The following WASF3 variants were observed in gnomAD, a reference collection of about 807,000 sequenced individuals.
WASF3 encodes the protein actin-binding protein WASF3.
Under a neutral mutation model 46.6 loss-of-function variants are expected in WASF3, and 11 were observed. The observed-to-expected ratio is 0.24, with a 90% CI of 0.15 to 0.39. The LOEUF is 0.39. Among genes scored for constraint, WASF3 ranks in the 10% least tolerant of loss-of-function variants. The probability of loss-of-function intolerance (pLI) is 1.00; values close to 1 mark genes in which losing one functional copy is unlikely to be tolerated. For synonymous variants in WASF3, 242 were observed against 259.7 expected (o/e 0.93, Z 0.65); for missense variants, 576 against 669.8 (o/e 0.86, Z 1.55).
intron 1 of WASF3, among the ~76,000 whole-genome samples, chr13:26,588,262 G>C (rs1880187953): frequency 6.6e-6 from 1 of 152,208 alleles, no homozygotes; most frequent in African/African-American, 2.4e-5. Flanking sequence ...CAGAGTGGGA[G>C]TTGGTTTATT....
intron 2 of WASF3, among the ~76,000 whole-genome samples, chr13:26,628,543 A>G (rs926570579): frequency 6.6e-6 from 1 of 152,172 alleles, no homozygotes; most frequent in African/African-American, 2.4e-5. Flanking sequence ...AGGATCCTGA[A>G]TGGATCACCT....
intron 1 of WASF3, among the ~76,000 whole-genome samples, chr13:26,609,889 A>G (rs921722385): frequency 6.6e-6 from 1 of 152,224 alleles, no homozygotes; most frequent in Non-Finnish European, 1.5e-5. Flanking sequence ...CAACTATCTC[A>G]AGCCAAAAAT....
intron 3 of WASF3, among the ~76,000 whole-genome samples, chr13:26,664,462 A>G (rs541928829): frequency 1.6e-3 from 238 of 152,364 alleles, no homozygotes; most frequent in Non-Finnish European, 2.8e-3. Context: ...GAATGTGGAA[A>G]TGAGCCACGC....
chr13:26,580,353 C>T (rs1879939817), intron 1 of WASF3, among the ~76,000 whole-genome samples: 1 of 152,122 alleles, frequency 6.6e-6, no homozygotes, highest in Non-Finnish European at 1.5e-5. Context: ...ACTTAAAACA[C>T]ATACAGTTTT....
the WASF3 span, among the ~76,000 whole-genome samples, chr13:26,540,174 A>G: frequency 7.9e-5 from 12 of 152,142 alleles, no homozygotes; most frequent in Non-Finnish European, 1.6e-4. Flanking sequence ...TTGGGCAACA[A>G]AAACAAGATA....
intron 1 of WASF3, among the ~76,000 whole-genome samples, chr13:26,594,667 T>C (rs558877215): frequency 6.6e-6 from 1 of 152,316 alleles, no homozygotes; most frequent in Admixed American, 6.5e-5. Context: ...CTAAGTAAAT[T>C]AAGTTCCTTC....
At chr13:26,663,774 G>A (rs565887730) in intron 3 of WASF3, among the ~76,000 whole-genome samples, 3 of 152,302 alleles carry the variant, frequency 2.0e-5, no homozygotes, top group South Asian at 4.2e-4. Flanking sequence ...AAATTATCGA[G>A]TGTTTCATGG....
intron 9 of WASF3, 133 bp downstream of exon 9, chr13:26,683,107 T>C: frequency 7.8e-7 from 1 of 1,275,410 alleles, no homozygotes; most frequent in Non-Finnish European, 1.1e-6. Context: ...GGGGTCTTAC[T>C]TGATTTTTTT....
At chr13:26,659,630 G>A (rs1296696421) in intron 3 of WASF3, among the ~76,000 whole-genome samples, 3 of 152,168 alleles carry the variant, frequency 2.0e-5, no homozygotes, top group African/African-American at 4.8e-5. Flanking sequence ...AGGTCGAGGT[G>A]AGTGGTGATT....
rs757608125 is a variant in WASF3 at position 26,665,006 on chromosome 13, C to T, written c.134-22C>T. 7 of 1,613,240 alleles carry T rather than the reference C, an allele frequency of 4.3e-6. No individual in the cohort carries two copies. In the South Asian group the frequency reaches 5.5e-5, roughly 13 times the overall value. Reference sequence around the variant, plus strand: ...CATCAGCTCCCTAACAGATGGCCTTCTCCATTCATTTTATTCTACAGGCAA... The same window carrying T: ...CATCAGCTCCCTAACAGATGGCCTTTTCCATTCATTTTATTCTACAGGCAA... On this transcript the variant is annotated intron_variant, in intron 3 of 9. Coordinates refer to ENST00000335327, the MANE Select transcript of WASF3 (RefSeq NM_006646.6).
intron 9 of WASF3, among the ~76,000 whole-genome samples, chr13:26,684,642 G>A (rs544998216): frequency 7.2e-5 from 11 of 152,246 alleles, no homozygotes; most frequent in Non-Finnish European, 1.5e-4. Context: ...TGGGCGAGGC[G>A]GGGGCGGTAA....
intron 3 of WASF3, among the ~76,000 whole-genome samples, chr13:26,644,812 A>G (rs1882100761): frequency 6.6e-6 from 1 of 152,178 alleles, no homozygotes; most frequent in African/African-American, 2.4e-5. Context: ...TGATGAGGAA[A>G]GGCAAAAGAA....
chr13:26,625,580 G>A (rs1881441340), intron 2 of WASF3, among the ~76,000 whole-genome samples: 1 of 152,138 alleles, frequency 6.6e-6, no homozygotes, highest in Non-Finnish European at 1.5e-5. Flanking sequence ...CCACTCTTTT[G>A]TTCTGTTCAG....
In WASF3 at chr13:26,674,449, T is replaced by C. The variant is rs186078821; in HGVS notation, c.541-2100T>C. ...AAAGTACACACCCAATACATGCTGG[T>C]TGTAAAATACTCAAATAGCACTCCC... On this transcript the variant is annotated intron_variant, in intron 6 of 9. Transcript: ENST00000335327. 8.0e-4 allele frequency among the ~76,000 whole-genome samples: 122 copies of C among 152,316 alleles called. 1 individual carries two copies. Among genetic ancestry groups the C allele is most frequent in the African/African-American group, 2.8e-3 (118 of 41,580 alleles).
intron 1 of WASF3, among the ~76,000 whole-genome samples, chr13:26,572,678 G>A (rs1433965963): frequency 5.3e-5 from 8 of 152,090 alleles, no homozygotes; most frequent in African/African-American, 1.7e-4. Flanking sequence ...CGATTCTGCC[G>A]AGTAGCTGAG....
At position 26,682,556 on chromosome 13, in the gene WASF3, C is replaced by T. The variant is rs755251951; in HGVS notation, c.984-51C>T. On this transcript the variant is annotated intron_variant, in intron 8 of 9. Transcript: ENST00000335327. This position sits in a 1 kb window ranked among gnomAD's most constrained non-coding sequence, Gnocchi z 4.4. Reference sequence around the variant, plus strand: ...GTTAGGTGTCTAAGAGCTCCCAGGACGTGACCCTCTCTTGTTCCCTTGGTG... The same window carrying T: ...GTTAGGTGTCTAAGAGCTCCCAGGATGTGACCCTCTCTTGTTCCCTTGGTG... 3.7e-5 allele frequency: 60 copies of T among 1,610,812 alleles called. No homozygotes were observed. Among genetic ancestry groups the T allele is most frequent in the Middle Eastern group, 3.3e-4 (2 of 6,050 alleles).
rs368293923 is a variant in WASF3, at chr13:26,625,412, A to G, written c.-11+12354A>G. Reference sequence around the variant, plus strand: ...TAGCTGATGGTATAACTCCCAGTCCATTGCCAAAGACTCGAGGACCTGGGA... The same window carrying G: ...TAGCTGATGGTATAACTCCCAGTCCGTTGCCAAAGACTCGAGGACCTGGGA... On this transcript the variant is annotated intron_variant, in intron 2 of 9. Transcript: ENST00000335327. Among the ~76,000 whole-genome samples, 4 of 152,294 alleles carry G rather than the reference A, an allele frequency of 2.6e-5. No individual in the cohort carries two copies. The East Asian group carries it at 5.8e-4, about 22-fold the overall frequency.
intron 3 of WASF3, among the ~76,000 whole-genome samples, chr13:26,643,654 G>A (rs1882065586): frequency 6.6e-6 from 1 of 152,164 alleles, no homozygotes; most frequent in Non-Finnish European, 1.5e-5. Context: ...TATTTTTGTA[G>A]GAATGCTTTT....
In WASF3 at chr13:26,682,557, G is replaced by A. The variant is rs746503113; in HGVS notation, c.984-50G>A. ...TTAGGTGTCTAAGAGCTCCCAGGAC[G>A]TGACCCTCTCTTGTTCCCTTGGTGA... On this transcript the variant is annotated intron_variant, in intron 8 of 9. Transcript: ENST00000335327. This position sits in a 1 kb window ranked among gnomAD's most constrained non-coding sequence, Gnocchi z 4.4. 3.8e-5 allele frequency: 61 copies of A among 1,611,028 alleles called. No homozygotes were observed. In the East Asian group the frequency reaches 7.8e-4, roughly 21 times the overall value.
Sources: allele counts gnomAD v4.1 joint callset (sites outside exome capture counted in the v4.1 genomes callset), GRCh38; gene constraint gnomAD v4.1.1; non-coding constraint Gnocchi (gnomAD v3.1); transcripts MANE v1.5; gene names NCBI Gene and HGNC (gene_info 2026-07-23, HGNC 2026-07-21).